TTLL5: variants seen among roughly 807,000 people sequenced by gnomAD.
TTLL5 encodes the protein tubulin tyrosine ligase like 5.
A neutral mutation model predicts 168.4 loss-of-function variants in TTLL5; 132 were observed. The observed-to-expected ratio is 0.78, with a 90% CI of 0.68 to 0.91. The LOEUF is 0.91. Ranked by LOEUF, TTLL5 falls within the 40% of genes least tolerant of loss-of-function variation. The pLI is 0.00. For synonymous variants in TTLL5, 546 were observed against 558.6 expected, an observed-to-expected ratio of 0.98 and a Z score of 0.32; for missense variants, 1,545 against 1,581.5, an observed-to-expected ratio of 0.98 and a Z score of 0.39.
At chr14:75,816,657 C>T (rs964916868) in intron 27 of TTLL5, among the ~76,000 whole-genome samples, 4 of 152,140 alleles carry the variant, frequency 2.6e-5, no homozygotes, top group Non-Finnish European at 5.9e-5. Context: ...ATTAAGCCTC[C>T]TTTATTAAGT....
At position 75,873,331 on chromosome 14, in the gene TTLL5, C is replaced by T. The variant is rs538913131; in HGVS notation, c.3523-9354C>T. 3.9e-3 allele frequency among the ~76,000 whole-genome samples: 601 copies of T among 152,294 alleles called. 4 individuals are homozygous for T. Among genetic ancestry groups the T allele is most frequent in the African/African-American group, 0.014 (583 of 41,566 alleles). ...CCTCGTGATCCGCCTGCCTTGGCCT[C>T]CCAAAGTGCTGGGATTACAGGTGTG... On this transcript the variant is annotated intron_variant, in intron 29 of 31. Coordinates refer to ENST00000298832, the MANE Select transcript of TTLL5 (RefSeq NM_015072.5).
rs79293031 is a variant in TTLL5, at chr14:75,814,267, A to G, written c.3172-5740A>G. 1.3e-3 allele frequency among the ~76,000 whole-genome samples: 197 copies of G among 152,350 alleles called. 1 individual carries two copies. Among genetic ancestry groups the G allele is most frequent in the African/African-American group, 4.5e-3 (187 of 41,578 alleles). On this transcript the variant is annotated intron_variant, in intron 27 of 31. Coordinates refer to ENST00000298832, the MANE Select transcript of TTLL5 (RefSeq NM_015072.5). ...ATTTTGTGAGTGGTGCTGTCTCTTC[A>G]TGTACTGTAAGCCTGTTCTTTTAAA...
chr14:75,815,295 G>T (rs1296048574), intron 27 of TTLL5, among the ~76,000 whole-genome samples: 3 of 152,236 alleles, frequency 2.0e-5, no homozygotes, highest in Non-Finnish European at 4.4e-5. Flanking sequence ...AGAGAGAAAG[G>T]TGAGAAGCTT....
intron 20 of TTLL5, among the ~76,000 whole-genome samples, chr14:75,767,639 A>G (rs1383474036): frequency 1.3e-5 from 2 of 152,250 alleles, no homozygotes; most frequent in East Asian, 1.9e-4. Flanking sequence ...AAAAAATTGG[A>G]TGTTGTTAGA....
chr14:75,948,836 T>C (rs949235212), intron 31 of TTLL5, among the ~76,000 whole-genome samples: 15 of 152,186 alleles, frequency 9.9e-5, no homozygotes, highest in African/African-American at 3.6e-4. Flanking sequence ...TTTAAAACTT[T>C]AGTGGGATGA....
At chr14:75,863,029 A>G (rs1352509859) in intron 28 of TTLL5, among the ~76,000 whole-genome samples, 1 of 152,234 alleles carries the variant, frequency 6.6e-6, no homozygotes, top group Non-Finnish European at 1.5e-5. Flanking sequence ...TGACTACTCA[A>G]AAAGGCCACC....
At chr14:75,947,866 G>A (rs1233454804) in intron 31 of TTLL5, among the ~76,000 whole-genome samples, 1 of 151,884 alleles carries the variant, frequency 6.6e-6, no homozygotes, top group African/African-American at 2.4e-5. Context: ...CTTGAGCCCA[G>A]GAGGTTTAGG....
At chr14:75,819,197 T>A (rs1894690379) in intron 27 of TTLL5, among the ~76,000 whole-genome samples, 1 of 152,202 alleles carries the variant, frequency 6.6e-6, no homozygotes, top group Non-Finnish European at 1.5e-5. Flanking sequence ...TCATCTGCAA[T>A]TGTTTTGTTG....
intron 2 of TTLL5, 73 bp from the exon 3 acceptor site, chr14:75,669,343 C>A: frequency 7.2e-7 from 1 of 1,381,678 alleles, no homozygotes; most frequent in Non-Finnish European, 1.0e-6. Context: ...AAGCAACAAA[C>A]CATAGTAATC....
intron 27 of TTLL5, among the ~76,000 whole-genome samples, chr14:75,797,278 C>CTGAAA (rs1893045537): frequency 6.6e-6 from 1 of 152,012 alleles, no homozygotes; most frequent in South Asian, 2.1e-4. Context: ...ATTTTGTATC[C>CTGAAA]TGAAACTTTA....
intron 27 of TTLL5, among the ~76,000 whole-genome samples, chr14:75,802,925 A>C (rs903556186): frequency 7.9e-5 from 12 of 152,234 alleles, no homozygotes; most frequent in Non-Finnish European, 1.2e-4. Context: ...GGGGAGAAAC[A>C]GTTTACAGAA....
intron 27 of TTLL5, among the ~76,000 whole-genome samples, chr14:75,812,857 AGCTGGGGCTGGG>A (rs1239496485): frequency 3.9e-5 from 6 of 152,062 alleles, no homozygotes; most frequent in African/African-American, 7.2e-5. Context: ...GGTTCAGTGC[AGCTGGGGCTGGG>A]GCTGGGGCTG....
chr14:75,874,540 A>G (rs1428029094), intron 29 of TTLL5, among the ~76,000 whole-genome samples: 2 of 152,232 alleles, frequency 1.3e-5, no homozygotes, highest in African/African-American at 4.8e-5. Flanking sequence ...TGCTTTCTCA[A>G]AGTAATCAAA....
At chr14:75,702,084 GA>G (rs1886311804) in intron 7 of TTLL5, among the ~76,000 whole-genome samples, 1 of 152,144 alleles carries the variant, frequency 6.6e-6, no homozygotes, top group Non-Finnish European at 1.5e-5. Flanking sequence ...ATTCAGTCTG[GA>G]CTCAAAACAG....
chr14:75,833,420 T>C (rs1895688889), intron 28 of TTLL5, among the ~76,000 whole-genome samples: 1 of 152,174 alleles, frequency 6.6e-6, no homozygotes, highest in African/African-American at 2.4e-5. Flanking sequence ...TTTTTTATTT[T>C]AAAATATCGA....
intron 17 of TTLL5, among the ~76,000 whole-genome samples, chr14:75,746,690 G>T (rs1249642621): frequency 6.6e-6 from 1 of 151,740 alleles, no homozygotes; most frequent in African/African-American, 2.4e-5. Flanking sequence ...AGCCTGCCAG[G>T]TAGCTAGGAC....
At position 75,745,526 on chromosome 14, in the gene TTLL5, C is replaced by A; in HGVS notation, c.1432C>A (p.Arg478=). The change falls in exon 17 of 32, where the codon CGG becomes AGG. Residue 478 remains arginine (R), a synonymous_variant. Coordinates refer to ENST00000298832, the MANE Select transcript of TTLL5 (RefSeq NM_015072.5). The part of the protein sequence containing the change: ...VLRRVKEEND[R]RGGFIRIFPT... ...ACGAAGGGTGAAGGAGGAGAATGAT[C>A]GGCGAGGTGGATTTATTCGCATATT... 18 of 1,613,750 alleles carry A rather than the reference C, an allele frequency of 1.1e-5. No individual in the cohort carries two copies. Among genetic ancestry groups the A allele is most frequent in the Non-Finnish European group, 1.4e-5 (17 of 1,179,908 alleles).
At chr14:75,817,826 T>C (rs1412732799) in intron 27 of TTLL5, among the ~76,000 whole-genome samples, 1 of 143,128 alleles carries the variant, frequency 7.0e-6, no homozygotes, top group African/African-American at 2.7e-5. Context: ...TTTTCTTTTC[T>C]TTTCTTTTTT....
At chr14:75,828,855 TAGTA>T (rs1422330436) in intron 28 of TTLL5, among the ~76,000 whole-genome samples, 3 of 152,230 alleles carry the variant, frequency 2.0e-5, no homozygotes, top group African/African-American at 7.2e-5. Flanking sequence ...GTGAAACTGG[TAGTA>T]AGTAATGTTT....
Sources: allele counts gnomAD v4.1 joint callset (sites outside exome capture counted in the v4.1 genomes callset), GRCh38; gene constraint gnomAD v4.1.1; transcripts MANE v1.5; gene names NCBI Gene and HGNC (gene_info 2026-07-23, HGNC 2026-07-21).